Variants in FRMD5 observed in about 807,000 individuals in gnomAD.
FRMD5 encodes FERM domain-containing protein 5.
FRMD5 carries 20 observed loss-of-function variants against 69.0 expected under a neutral mutation model. The ratio of observed to expected loss-of-function variants is 0.29; its 90% CI spans 0.20 to 0.42. The LOEUF is 0.42. Ranked by LOEUF, FRMD5 falls within the 10% of genes least tolerant of loss-of-function variation. FRMD5 has a pLI of 1.00. For synonymous variants in FRMD5, 271 were observed against 260.1 expected (o/e 1.04, Z -0.40); for missense variants, 595 against 708.6 (o/e 0.84, Z 1.82).
intron 1 of FRMD5, among the ~76,000 whole-genome samples, chr15:44,151,327 G>A (rs1163718671): frequency 6.6e-6 from 1 of 151,260 alleles, no homozygotes; most frequent in Non-Finnish European, 1.5e-5. Flanking sequence ...AACCCAGGAG[G>A]TGGAGCTTGC....
chr15:43,961,569 C>T (rs2090201491), intron 1 of FRMD5, among the ~76,000 whole-genome samples: 1 of 152,176 alleles, frequency 6.6e-6, no homozygotes, highest in African/African-American at 2.4e-5. Flanking sequence ...TCAGCATCAT[C>T]CTGATACCAA....
At chr15:43,908,596 G>A (rs867350535) in intron 5 of FRMD5, among the ~76,000 whole-genome samples, 2 of 152,160 alleles carry the variant, frequency 1.3e-5, no homozygotes, top group Non-Finnish European at 2.9e-5. Context: ...GAAACTTCAT[G>A]ATTTTAGTGC....
At chr15:44,123,402 T>C (rs1385786957) in intron 1 of FRMD5, among the ~76,000 whole-genome samples, 3 of 151,656 alleles carry the variant, frequency 2.0e-5, no homozygotes, top group African/African-American at 7.3e-5. Context: ...AGGAATATGA[T>C]AGACAAGTTT....
intron 4 of FRMD5, 134 bp from the exon 5 acceptor site, chr15:43,910,113 G>T (rs2089258842): frequency 3.8e-6 from 2 of 529,982 alleles, no homozygotes; most frequent in Admixed American, 3.0e-5. Context: ...AAAACATAAT[G>T]TAGAACAAAT....
intron 5 of FRMD5, 133 bp from the exon 6 acceptor site, chr15:43,906,084 A>G (rs2089164920): frequency 1.7e-6 from 2 of 1,177,470 alleles, no homozygotes; most frequent in South Asian, 1.3e-5. Flanking sequence ...GATTCTGAGC[A>G]CGGCTGTGGG....
intron 1 of FRMD5, among the ~76,000 whole-genome samples, chr15:44,121,955 A>C (rs2076957544): frequency 1.4e-5 from 2 of 145,890 alleles, no homozygotes; most frequent in Non-Finnish European, 3.0e-5. Flanking sequence ...AGATTGCACC[A>C]CTGCACTCCA....
intron 1 of FRMD5, among the ~76,000 whole-genome samples, chr15:43,928,590 C>T (rs1274430817): frequency 6.6e-6 from 1 of 152,248 alleles, no homozygotes; most frequent in Admixed American, 6.5e-5. Context: ...TGTGGATCCC[C>T]TTGCACTTCC....
chr15:44,039,650 C>A (rs1037049212), intron 1 of FRMD5, among the ~76,000 whole-genome samples: 16 of 152,166 alleles, frequency 1.1e-4, no homozygotes, highest in Non-Finnish European at 2.2e-4. Context: ...AGGATGGCCA[C>A]TCAGAGACCC....
At chr15:43,923,107 G>A (rs1015988003) in intron 2 of FRMD5, among the ~76,000 whole-genome samples, 3 of 152,190 alleles carry the variant, frequency 2.0e-5, no homozygotes, top group Non-Finnish European at 2.9e-5. Flanking sequence ...GAAACTGCAG[G>A]TGTCTGCAAG....
Position 43,883,632 on chromosome 15 carries a change from T to C in FRMD5, c.1135+71A>G, listed in dbSNP as rs532889135. 3.7e-6 allele frequency: 4 copies of C among 1,069,214 alleles called. No homozygotes were observed. In the African/African-American group the frequency reaches 6.4e-5, roughly 17 times the overall value. 66.2% of individuals were successfully genotyped at this position (1,069,214 alleles called of 1,614,324 possible). A position where few individuals can be genotyped will look rare whatever the true frequency, so the allele number is the denominator to read the frequency against. On this transcript the variant is annotated intron_variant, in intron 13 of 13. Transcript: ENST00000417257. The stretch of plus-strand genomic sequence containing the variant: ...ACATGCTGCCATCACTAATGCAAAT[T>C]AGCCTCTTTTCAAGGTCCCAGATCA...
chr15:43,976,985 C>G (rs1298809443), intron 1 of FRMD5, among the ~76,000 whole-genome samples: 1 of 152,070 alleles, frequency 6.6e-6, no homozygotes, highest in African/African-American at 2.4e-5. Flanking sequence ...TGCATGCCAC[C>G]ACACCCAGCT....
At chr15:44,173,266 G>T (rs1358362015) in intron 1 of FRMD5, among the ~76,000 whole-genome samples, 1 of 152,090 alleles carries the variant, frequency 6.6e-6, no homozygotes, top group East Asian at 1.9e-4. Context: ...CAGCTTATAG[G>T]TTTGATACTT....
In FRMD5 at chr15:43,873,938, G is replaced by A; in HGVS notation, c.1660C>T (p.Arg554Ter). ...FHYQYFCPLR[R>*]WFACKIRSVV... ...GAGCGGATTTTGCAGGCAAACCATCGCCTGAGGGGACAAAAGTATTGATAG... is the reference window on the plus strand; with the variant it reads ...GAGCGGATTTTGCAGGCAAACCATCACCTGAGGGGACAAAAGTATTGATAG... Residue 554 changes from arginine to a stop codon, truncating the protein, a stop_gained, in exon 14 of 14, where the codon CGA becomes TGA. Transcript: ENST00000417257. LOFTEE classifies it high-confidence loss of function. The A allele has an allele frequency of 6.2e-7, 1 of 1,614,180 alleles. No individual in the cohort carries two copies. Among genetic ancestry groups the A allele is most frequent in the Non-Finnish European group, 8.5e-7 (1 of 1,180,022 alleles).
chr15:44,124,723 A>G (rs964636193), intron 1 of FRMD5, among the ~76,000 whole-genome samples: 4 of 152,116 alleles, frequency 2.6e-5, no homozygotes, highest in African/African-American at 9.7e-5. Context: ...AATAATTTTA[A>G]AAAGATGTTC....
chr15:44,086,769 T>A (rs1364988112), intron 1 of FRMD5, among the ~76,000 whole-genome samples: 1 of 152,178 alleles, frequency 6.6e-6, no homozygotes, highest in African/African-American at 2.4e-5. Context: ...AGTACTTCCA[T>A]GGATGGAGAT....
intron 13 of FRMD5, chr15:43,875,896 T>C (rs2140334419): frequency 2.3e-6 from 2 of 852,370 alleles, no homozygotes; most frequent in African/African-American, 1.7e-5. Flanking sequence ...AATTTTGTCT[T>C]AACTGCTGGG....
chr15:44,097,536 C>T (rs1341806126), intron 1 of FRMD5, among the ~76,000 whole-genome samples: 1 of 152,228 alleles, frequency 6.6e-6, no homozygotes, highest in Non-Finnish European at 1.5e-5. Flanking sequence ...TATAGGGAAG[C>T]TCTGAAGAAA....
chr15:44,019,015 C>T (rs1005698326), intron 1 of FRMD5, among the ~76,000 whole-genome samples: 4 of 152,102 alleles, frequency 2.6e-5, no homozygotes, highest in African/African-American at 7.2e-5. Flanking sequence ...CTGCCCTAGC[C>T]TCCCAAGTAG....
intron 1 of FRMD5, among the ~76,000 whole-genome samples, chr15:43,979,606 C>T (rs2090517681): frequency 6.6e-6 from 1 of 152,182 alleles, no homozygotes. Flanking sequence ...ACATACATTA[C>T]TGACCAAAAA....
Sources: allele counts gnomAD v4.1 joint callset (sites outside exome capture counted in the v4.1 genomes callset), GRCh38; gene constraint gnomAD v4.1.1; transcripts MANE v1.5; gene names NCBI Gene and HGNC (gene_info 2026-07-23, HGNC 2026-07-21).